The following ACADM variants were observed in gnomAD, a reference collection of about 807,000 sequenced individuals.
ACADM encodes medium-chain specific acyl-CoA dehydrogenase, mitochondrial.
ACADM carries 49 observed loss-of-function variants against 58.9 expected under a neutral mutation model. The ratio of observed to expected loss-of-function variants is 0.83; its 90% CI spans 0.66 to 1.06. The LOEUF is 1.06. Ranked by LOEUF, ACADM falls within the 50% of genes least tolerant of loss-of-function variation. The pLI is 0.00. For missense variants in ACADM, 496 were observed against 507.0 expected (o/e 0.98, Z 0.21); for synonymous variants, 160 against 157.7 (o/e 1.01, Z -0.11).
chr1:75,734,880 G>T lies in ACADM; in HGVS notation c.468+9G>T. 1 of 1,600,894 alleles carries T rather than the reference G, an allele frequency of 6.2e-7. No homozygotes were observed. The highest frequency in any genetic ancestry group is 8.6e-7 in the Non-Finnish European group (1 of 1,168,134). ...AGGAGCCATTGATGTGTGTGAGTAT[G>T]TGTAACTGCCGCTTTATTTCACACT... On this transcript the variant is annotated intron_variant, in intron 6 of 11. Transcript: ENST00000370841.
At chr1:75,750,084 C>G (rs1186693679) in intron 9 of ACADM, among the ~76,000 whole-genome samples, 2 of 152,202 alleles carry the variant, frequency 1.3e-5, no homozygotes, top group African/African-American at 4.8e-5. Flanking sequence ...ATTATTTTAG[C>G]AACTGCAAAA....
intron 8 of ACADM, among the ~76,000 whole-genome samples, chr1:75,748,191 A>T (rs999204207): frequency 6.6e-6 from 1 of 152,174 alleles, no homozygotes; most frequent in Non-Finnish European, 1.5e-5. Context: ...AGAGAAAGAG[A>T]AATAAAAAAT....
chr1:75,758,017 A>G (rs1648606439), intron 10 of ACADM, among the ~76,000 whole-genome samples: 2 of 152,106 alleles, frequency 1.3e-5, no homozygotes, highest in African/African-American at 4.8e-5. Context: ...AGGGAAACAC[A>G]TTTACCAGTT....
chr1:75,750,035 T>A (rs541398419), intron 9 of ACADM, among the ~76,000 whole-genome samples: 32 of 152,310 alleles, frequency 2.1e-4, no homozygotes, highest in African/African-American at 7.0e-4. Context: ...CTTAATTTTT[T>A]AAATAATTCT....
chr1:75,750,290 C>G (rs1229836877), intron 9 of ACADM, among the ~76,000 whole-genome samples, 161 bp from the exon 10 acceptor site: 15 of 152,124 alleles, frequency 9.9e-5, no homozygotes, highest in Non-Finnish European at 1.5e-5. Context: ...CTTTAATTAA[C>G]AAATAATATA....
intron 2 of ACADM, among the ~76,000 whole-genome samples, chr1:75,728,896 A>C (rs1186104182): frequency 2.6e-5 from 4 of 152,270 alleles, no homozygotes; most frequent in African/African-American, 7.2e-5. Flanking sequence ...AATATATCCA[A>C]ATTGCAATTT....
At chr1:75,759,325 G>C in intron 10 of ACADM, among the ~76,000 whole-genome samples, 1 of 152,160 alleles carries the variant, frequency 6.6e-6, no homozygotes, top group East Asian at 1.9e-4. Context: ...TGTAGGGTTG[G>C]GGCTGAAACT....
intron 7 of ACADM, chr1:75,744,731 GC>G (rs1470639234): frequency 2.8e-5 from 21 of 747,660 alleles, no homozygotes; most frequent in Non-Finnish European, 5.0e-5. Flanking sequence ...AAGGCAGAGA[GC>G]GAGTGGCTGA....
chr1:75,733,264 G>C, intron 4 of ACADM: 2 of 1,393,742 alleles, frequency 1.4e-6, no homozygotes, highest in Non-Finnish European at 1.9e-6. Context: ...CCCAGTTTTA[G>C]AGTTGAATTG....
rs569797318 is a variant in ACADM, at chr1:75,744,229, C to T, written c.600-1577C>T. On this transcript the variant is annotated intron_variant, in intron 7 of 11. Transcript: ENST00000370841. ...GTGAGGGCGAGGGCACTGGTGGCAT[C>T]GAGTGGGTATGGGTGCTGCATGGGG... The T allele has an allele frequency of 3.4e-4, 545 of 1,587,660 alleles. 2 individuals carry two copies. Among genetic ancestry groups the T allele is most frequent in the Admixed American group, 5.2e-4 (31 of 59,988 alleles).
chr1:75,729,674 A>G (rs1647116700), intron 2 of ACADM, among the ~76,000 whole-genome samples: 1 of 149,946 alleles, frequency 6.7e-6, no homozygotes. Flanking sequence ...CTATATTTTT[A>G]GTAGGGATGG....
chr1:75,751,712 T>C (rs1034327160), intron 10 of ACADM, among the ~76,000 whole-genome samples: 9 of 152,026 alleles, frequency 5.9e-5, no homozygotes, highest in African/African-American at 2.2e-4. Flanking sequence ...TTGGCCAGGC[T>C]GGTGTTGAAC....
rs139225427 is a variant in ACADM, at chr1:75,743,086, A to G, written c.600-2720A>G. ...TCACATGGTCCTCGGGGGTTTCTCT[A>G]TAGTATACCAGCACTAGGGAGAAGC... On this transcript the variant is annotated intron_variant, in intron 7 of 11. Coordinates refer to ENST00000370841, the MANE Select transcript of ACADM (RefSeq NM_000016.6). Among the ~76,000 whole-genome samples, 429 of 152,292 alleles carry G rather than the reference A, an allele frequency of 2.8e-3. 2 individuals carry two copies. Among genetic ancestry groups the G allele is most frequent in the Middle Eastern group, 0.027 (8 of 294 alleles).
Position 75,761,320 on chromosome 1 carries a change from A to C in ACADM, c.1144A>C (p.Asn382His). The C allele has an allele frequency of 6.2e-7, 1 of 1,613,938 alleles. No homozygotes were observed. The highest frequency in any genetic ancestry group is 8.5e-7 in the Non-Finnish European group (1 of 1,179,808). Residue 382 changes from asparagine to histidine, a missense_variant, in exon 11 of 12, where the codon AAT becomes CAT. Coordinates refer to ENST00000370841, the MANE Select transcript of ACADM (RefSeq NM_000016.6). ...AVQILGGNGF[N>H]TEYPVEKLMR... ...GCAGATACTTGGAGGCAATGGATTT[A>C]ATACAGAATATCCTGTAGAAAAACT... is the stretch of plus-strand genomic sequence containing the variant.
chr1:75,727,126 T>C (rs187290072), intron 1 of ACADM, among the ~76,000 whole-genome samples: 19 of 152,272 alleles, frequency 1.2e-4, no homozygotes, highest in African/African-American at 4.3e-4. Context: ...AAAATAAAAT[T>C]AATGAAGATG....
intron 6 of ACADM, among the ~76,000 whole-genome samples, chr1:75,738,159 G>C (rs1409394561): frequency 1.3e-5 from 2 of 151,590 alleles, no homozygotes; most frequent in African/African-American, 4.8e-5. Flanking sequence ...CTCATGATCT[G>C]CCCACCTTGG....
rs2100370415 is a variant in ACADM at position 75,734,787 on chromosome 1, G to A, written c.388-4G>A. 1 of 1,609,876 alleles carries A rather than the reference G, an allele frequency of 6.2e-7. No individual in the cohort carries two copies. The highest frequency in any genetic ancestry group is 8.5e-7 in the Non-Finnish European group (1 of 1,176,598). On this transcript the variant is annotated splice_polypyrimidine_tract_variant and splice_region_variant and intron_variant, in intron 5 of 11. Transcript: ENST00000370841. ...GATTTTTTAATGTCAATTTTCTTCG[G>A]TAGCAAATGCCTATTATTATTGCTG...
intron 5 of ACADM, among the ~76,000 whole-genome samples, 177 bp downstream of exon 5, chr1:75,733,805 A>T (rs1269533803): frequency 6.6e-6 from 1 of 152,204 alleles, no homozygotes; most frequent in African/African-American, 2.4e-5. Context: ...TGAAGCCTGG[A>T]GTTCTGATTT....
Position 75,733,546 on chromosome 1 carries a change from C to G in ACADM, c.305C>G (p.Thr102Ser). The change falls in exon 5 of 12, where the codon ACT becomes AGT. Residue 102 changes from threonine to serine, a missense_variant. Thr to Ser is a moderately conservative substitution (Grantham distance 58, BLOSUM62 1). Transcript: ENST00000370841. ...PENCGGLGLG[T>S]FDACLISEEL... ...ACTGTAGGAGGTCTTGGACTTGGAA[C>G]TTTTGATGCTTGTTTAATTAGTGAA... 1 of 1,613,942 alleles carries G rather than the reference C, an allele frequency of 6.2e-7. No homozygotes were observed. The highest frequency in any genetic ancestry group is 1.1e-5 in the South Asian group (1 of 91,078).
Sources: allele counts gnomAD v4.1 joint callset (sites outside exome capture counted in the v4.1 genomes callset), GRCh38; gene constraint gnomAD v4.1.1; transcripts MANE v1.5; gene names NCBI Gene and HGNC (gene_info 2026-07-23, HGNC 2026-07-21).